CELF4: variants seen among roughly 807,000 people sequenced by gnomAD.
CELF4 encodes the protein CUG-BP- and ETR-3-like factor 4.
Under a neutral mutation model 59.9 loss-of-function variants are expected in CELF4, and 18 were observed. That is an observed-to-expected ratio of 0.30 (90% CI 0.21 to 0.45). CELF4 has a LOEUF of 0.45. CELF4 is among the 20% of genes least tolerant of loss of function. The pLI, the probability that CELF4 is intolerant of heterozygous loss-of-function variation, is 1.00. For synonymous variants in CELF4, 261 were observed against 267.1 expected (o/e 0.98, Z 0.22); for missense variants, 456 against 689.0 (o/e 0.66, Z 3.79).
intron 2 of CELF4, among the ~76,000 whole-genome samples, chr18:37,387,467 A>G (rs1274422625): frequency 6.6e-6 from 1 of 152,120 alleles, no homozygotes; most frequent in African/African-American, 2.4e-5. Context: ...CTGTTGTTCA[A>G]TCCTGGAGAT....
chr18:37,261,238 G>GC (rs1274831414), intron 10 of CELF4, among the ~76,000 whole-genome samples: 347 of 106,934 alleles, frequency 3.2e-3, no homozygotes, highest in African/African-American at 8.9e-3. Flanking sequence ...GCCCCCTCCA[G>GC]CCCCCCCCAC....
chr18:37,308,742 C>A (rs1416541327), intron 3 of CELF4, among the ~76,000 whole-genome samples: 1 of 148,238 alleles, frequency 6.7e-6, no homozygotes, highest in East Asian at 2.0e-4. Flanking sequence ...GATTTGGTGT[C>A]TAGGACGTTG....
chr18:37,287,712 C>A (rs528682517), intron 3 of CELF4, among the ~76,000 whole-genome samples: 2 of 152,268 alleles, frequency 1.3e-5, no homozygotes, highest in African/African-American at 2.4e-5. Flanking sequence ...ACTCAGAGGG[C>A]CCATGCTTAA....
intron 2 of CELF4, among the ~76,000 whole-genome samples, chr18:37,353,233 A>AATATATATATATATATATATAT (rs1557327923): frequency 3.7e-5 from 4 of 106,978 alleles, no homozygotes; most frequent in East Asian, 5.6e-4. Context: ...AAAAAAAAAA[A>AATATATATATATATATATATAT]ATATATATAT....
chr18:37,520,889 T>C (rs1441780253), intron 1 of CELF4, among the ~76,000 whole-genome samples: 2 of 152,168 alleles, frequency 1.3e-5, no homozygotes, highest in Non-Finnish European at 2.9e-5. Flanking sequence ...TGCAGATTGA[T>C]GGACAGTGGG....
At chr18:37,392,401 T>C (rs2099172213) in intron 2 of CELF4, among the ~76,000 whole-genome samples, 1 of 152,116 alleles carries the variant, frequency 6.6e-6, no homozygotes, top group African/African-American at 2.4e-5. Flanking sequence ...GTGCACAGCT[T>C]GTGAAAGAAG....
At chr18:37,325,160 A>G (rs191904854) in intron 2 of CELF4, among the ~76,000 whole-genome samples, 160 of 140,970 alleles carry the variant, frequency 1.1e-3, no homozygotes, top group African/African-American at 4.1e-3. Flanking sequence ...CTCTGTCCCA[A>G]CGGGGGAGTG....
intron 1 of CELF4, among the ~76,000 whole-genome samples, chr18:37,505,840 C>A (rs954554861): frequency 6.6e-6 from 1 of 152,208 alleles, no homozygotes; most frequent in African/African-American, 2.4e-5. Context: ...CTGCCAGGCC[C>A]CACATGTGTT....
intron 2 of CELF4, among the ~76,000 whole-genome samples, chr18:37,375,529 G>C (rs2098958358): frequency 6.6e-6 from 1 of 152,126 alleles, no homozygotes; most frequent in Non-Finnish European, 1.5e-5. Context: ...TGTCCAAAGA[G>C]CTTGGTCCCT....
At chr18:37,435,970 A>G (rs539741767) in intron 2 of CELF4, among the ~76,000 whole-genome samples, 12 of 151,852 alleles carry the variant, frequency 7.9e-5, no homozygotes, top group Non-Finnish European at 1.6e-4. Flanking sequence ...GGTGGTGGGC[A>G]CTCCAGGACC....
At chr18:37,470,084 T>C (rs938422989) in intron 2 of CELF4, among the ~76,000 whole-genome samples, 6 of 152,228 alleles carry the variant, frequency 3.9e-5, no homozygotes, top group South Asian at 2.1e-4. Flanking sequence ...AGATACTGAA[T>C]ACTTAAGGAG....
At chr18:37,417,598 A>G (rs1328961046) in intron 2 of CELF4, among the ~76,000 whole-genome samples, 1 of 152,218 alleles carries the variant, frequency 6.6e-6, no homozygotes, top group East Asian at 1.9e-4. Context: ...TGCTTCTTGC[A>G]GCACTGGCCA....
Position 37,514,175 on chromosome 18 carries a change from T to G in CELF4, c.287-28568A>C, listed in dbSNP as rs187737679. Among the ~76,000 whole-genome samples, 1,167 of 152,272 alleles carry G rather than the reference T, an allele frequency of 7.7e-3. 5 individuals are homozygous for G. The highest frequency in any genetic ancestry group is 0.048 in the Middle Eastern group (14 of 294). ...TGTACCCTGACCCATCTCAAACAAC[T>G]AGAGGCTCTGATCCTCTCTGGCCCT... On this transcript the variant is annotated intron_variant, in intron 1 of 12. Transcript: ENST00000420428.
At chr18:37,480,084 C>T (rs889005781) in intron 2 of CELF4, among the ~76,000 whole-genome samples, 14 of 152,210 alleles carry the variant, frequency 9.2e-5, no homozygotes, top group African/African-American at 3.4e-4. Context: ...GCCTCCAGAA[C>T]TGCGAGACAA....
chr18:37,323,094 G>T (rs2097180653), intron 2 of CELF4, among the ~76,000 whole-genome samples: 1 of 152,050 alleles, frequency 6.6e-6, no homozygotes, highest in Admixed American at 6.6e-5. Context: ...AGTGAGTTTT[G>T]GCTGCGTCAG....
intron 3 of CELF4, among the ~76,000 whole-genome samples, chr18:37,303,907 G>A (rs960306758): frequency 6.6e-6 from 1 of 152,208 alleles, no homozygotes; most frequent in Non-Finnish European, 1.5e-5. Flanking sequence ...ACCCCTCCTG[G>A]AGACAAGTCC....
chr18:37,520,151 T>G (rs2099955686), intron 1 of CELF4, among the ~76,000 whole-genome samples: 1 of 152,088 alleles, frequency 6.6e-6, no homozygotes. Flanking sequence ...TCGGGGCCCC[T>G]AAATTGGCTG....
At chr18:37,457,466 A>C (rs2099781501) in intron 2 of CELF4, among the ~76,000 whole-genome samples, 1 of 152,160 alleles carries the variant, frequency 6.6e-6, no homozygotes, top group South Asian at 2.1e-4. Context: ...AGGAGGGGAA[A>C]GGAGTCTTCC....
At chr18:37,379,211 T>G (rs1435739061) in intron 2 of CELF4, among the ~76,000 whole-genome samples, 4 of 152,116 alleles carry the variant, frequency 2.6e-5, no homozygotes, top group African/African-American at 9.7e-5. Flanking sequence ...GAGGATTGGA[T>G]GAGAGCAGGG....
Sources: allele counts gnomAD v4.1 joint callset (sites outside exome capture counted in the v4.1 genomes callset), GRCh38; gene constraint gnomAD v4.1.1; transcripts MANE v1.5; gene names NCBI Gene and HGNC (gene_info 2026-07-23, HGNC 2026-07-21).